Variants in KCNV1 observed in about 807,000 individuals in gnomAD.
KCNV1 encodes potassium voltage-gated channel subfamily V member 1.
A neutral mutation model predicts 36.4 loss-of-function variants in KCNV1; 2 were observed. The ratio of observed to expected loss-of-function variants is 0.05; its 90% CI spans 0.02 to 0.17. KCNV1 has a LOEUF of 0.17. Among genes scored for constraint, KCNV1 ranks in the 10% least tolerant of loss-of-function variants. The pLI is 1.00. For missense variants in KCNV1, 321 were observed against 643.6 expected (o/e 0.50, Z 5.42); for synonymous variants, 280 against 261.1 (o/e 1.07, Z -0.70).
rs1239555443 is a variant in KCNV1 at position 109,973,993 on chromosome 8, G to A, written c.396C>T (p.Ser132=). The A allele has an allele frequency of 2.5e-6, 4 of 1,613,274 alleles. No homozygotes were observed. The highest frequency in any genetic ancestry group is 2.2e-5 in the East Asian group (1 of 44,882). The part of the protein sequence containing the change: ...LHVMEQLCAL[S]FLQEIQYWGI... ...CCCAGTACTGGATCTCCTGCAGGAAGGAGAGCGCGCACAGCTGCTCCATGA... is the reference window on the plus strand; with the variant it reads ...CCCAGTACTGGATCTCCTGCAGGAAAGAGAGCGCGCACAGCTGCTCCATGA... The change falls in exon 2 of 4, where the codon TCC becomes TCT. Residue 132 remains serine, a synonymous_variant. Coordinates refer to ENST00000524391, the MANE Select transcript of KCNV1 (RefSeq NM_014379.4).
At chr8:109,975,265 G>A (rs1246057613) in intron 1 of KCNV1, 73 bp from the exon 2 acceptor site, 1 of 152,230 alleles carries the variant, frequency 6.6e-6, no homozygotes, top group Admixed American at 6.5e-5. Context: ...AACTAGGAGT[G>A]TCACTGTCAG....
At chr8:109,969,213 A>G (rs1287535270) in intron 3 of KCNV1, among the ~76,000 whole-genome samples, 2 of 152,182 alleles carry the variant, frequency 1.3e-5, no homozygotes, top group African/African-American at 4.8e-5. Flanking sequence ...TGACATGAGA[A>G]CATCACATGT....
chr8:109,971,398 C>T (rs571912272), intron 3 of KCNV1, among the ~76,000 whole-genome samples: 3 of 152,084 alleles, frequency 2.0e-5, no homozygotes, highest in Non-Finnish European at 4.4e-5. Flanking sequence ...TCATATACTC[C>T]ACAATATCTG....
chr8:109,972,840 T>A lies in KCNV1; in HGVS notation c.462-53A>T. ...GTCTAACTTTATTAAAATACAGAAG[T>A]ATAAGATAATTAAACATGGCAGGGA... is the stretch of plus-strand genomic sequence containing the variant. On this transcript the variant is annotated intron_variant, in intron 2 of 3. Coordinates refer to ENST00000524391, the MANE Select transcript of KCNV1 (RefSeq NM_014379.4). The surrounding 1 kb of genome is among the most constrained non-coding windows in gnomAD (Gnocchi z 5.2). The A allele has an allele frequency of 2.9e-6, 4 of 1,378,496 alleles. No individual in the cohort carries two copies. The highest frequency in any genetic ancestry group is 3.9e-6 in the Non-Finnish European group (4 of 1,018,838). 85.4% of individuals were successfully genotyped at this position (1,378,496 alleles called of 1,614,324 possible).
intron 3 of KCNV1, among the ~76,000 whole-genome samples, chr8:109,969,864 A>AAAAG (rs1554645997): frequency 3.3e-5 from 5 of 151,750 alleles, no homozygotes; most frequent in East Asian, 1.9e-4. Context: ...AAAAAAAAAA[A>AAAAG]AAAGAAAGAA....
In KCNV1 at chr8:109,968,669, TC is replaced by T; in HGVS notation, c.992-71del. 2 of 1,492,646 alleles carry T rather than the reference TC, an allele frequency of 1.3e-6. No homozygotes were observed. Among genetic ancestry groups the T allele is most frequent in the Non-Finnish European group, 1.8e-6 (2 of 1,107,600 alleles). 92.5% of individuals were successfully genotyped at this position (1,492,646 alleles called of 1,614,324 possible). A position where few individuals can be genotyped will look rare whatever the true frequency, so the allele number is the denominator to read the frequency against. On this transcript the variant is annotated intron_variant, in intron 3 of 3. Transcript: ENST00000524391. The surrounding 1 kb of genome is among the most constrained non-coding windows in gnomAD (Gnocchi z 5.3). ...TCTCTTCCTTCCCTCCCCTCCCCTCTCCCTCCTTGCTCTGCCACCCACAAAC... is the reference window on the plus strand; with the variant it reads ...TCTCTTCCTTCCCTCCCCTCCCCTCTCCTCCTTGCTCTGCCACCCACAAAC...
chr8:109,971,349 G>C (rs1820008235), intron 3 of KCNV1, among the ~76,000 whole-genome samples: 1 of 152,036 alleles, frequency 6.6e-6, no homozygotes, highest in Non-Finnish European at 1.5e-5. Context: ...AAGCTTGCCT[G>C]GGGATCCTTA....
Position 109,968,197 on chromosome 8 carries a change from C to T in KCNV1, c.1394G>A (p.Ser465Asn). Residue 465 changes from serine to asparagine, a missense_variant, in exon 4 of 4, where the codon AGT (serine) becomes AAT (asparagine). This residue lies in a region of KCNV1 where 45 missense variants were observed against 76.8 expected (regional missense o/e 0.59). Coordinates refer to ENST00000524391, the MANE Select transcript of KCNV1 (RefSeq NM_014379.4). The surrounding 1 kb of genome is among the most constrained non-coding windows in gnomAD (Gnocchi z 5.3). Reference sequence around the variant, plus strand: ...GGCATAGACATCTCTCAAGTTAACACTGATATATGAGTCAGTGGCTATATT... The same window carrying T: ...GGCATAGACATCTCTCAAGTTAACATTGATATATGAGTCAGTGGCTATATT... ...TKNIATDSYI[S>N]VNLRDVYARS... 1 of 1,614,174 alleles carries T rather than the reference C, an allele frequency of 6.2e-7. No individual in the cohort carries two copies. Among genetic ancestry groups the T allele is most frequent in the Non-Finnish European group, 8.5e-7 (1 of 1,180,028 alleles).
Position 109,967,977 on chromosome 8 carries a change from A to T in KCNV1, c.*111T>A. On this transcript the variant is annotated 3_prime_UTR_variant, in exon 4 of 4. Coordinates refer to ENST00000524391, the MANE Select transcript of KCNV1 (RefSeq NM_014379.4). The stretch of plus-strand genomic sequence containing the variant: ...AGCAATATATCAGCAAAAATTAATT[A>T]AGATGAGCAGTACTCTGAAGAGACT... 1 of 1,053,304 alleles carries T rather than the reference A, an allele frequency of 9.5e-7. No individual in the cohort carries two copies. Among genetic ancestry groups the T allele is most frequent in the Non-Finnish European group, 1.4e-6 (1 of 740,020 alleles). 65.2% of individuals were successfully genotyped at this position (1,053,304 alleles called of 1,614,324 possible).
In KCNV1 at chr8:109,975,064, G is replaced by C. The variant is rs931927388; in HGVS notation, c.-676C>G. On this transcript the variant is annotated 5_prime_UTR_variant, in exon 2 of 4. Coordinates refer to ENST00000524391, the MANE Select transcript of KCNV1 (RefSeq NM_014379.4). ...GCCTCCCCCGGGGTGTTCGCTGGGG[G>C]TGTGAGCAGGTGGGGGAGGGTTCTC... is the stretch of plus-strand genomic sequence containing the variant. 2 of 152,452 alleles carry C rather than the reference G, an allele frequency of 1.3e-5. No homozygotes were observed. The highest frequency in any genetic ancestry group is 4.8e-5 in the African/African-American group (2 of 41,410). 9.4% of individuals were successfully genotyped at this position (152,452 alleles called of 1,614,324 possible). A position where few individuals can be genotyped will look rare whatever the true frequency, so the allele number is the denominator to read the frequency against.
chr8:109,973,845 A>G (rs2130899208), intron 2 of KCNV1, 83 bp downstream of exon 2: 1 of 997,232 alleles, frequency 1.0e-6, no homozygotes, highest in Non-Finnish European at 1.4e-6. Context: ...AAGCTTGTGT[A>G]AAGCCTCAAA....
Position 109,973,996 on chromosome 8 carries a change from G to C in KCNV1, c.393C>G (p.Leu131=), listed in dbSNP as rs1323937219. The C allele has an allele frequency of 1.1e-5, 17 of 1,613,436 alleles. No homozygotes were observed. Among genetic ancestry groups the C allele is most frequent in the Non-Finnish European group, 1.4e-5 (17 of 1,179,994 alleles). ...AGTACTGGATCTCCTGCAGGAAGGA[G>C]AGCGCGCACAGCTGCTCCATGACAT... ...RLHVMEQLCA[L]SFLQEIQYWG... The change falls in exon 2 of 4, where the codon CTC becomes CTG. Residue 131 remains leucine, a synonymous_variant. Coordinates refer to ENST00000524391, the MANE Select transcript of KCNV1 (RefSeq NM_014379.4).
chr8:109,974,404 C>T lies in KCNV1; in HGVS notation c.-16G>A, dbSNP rs1361684039. On this transcript the variant is annotated 5_prime_UTR_variant, in exon 2 of 4. Transcript: ENST00000524391. The surrounding 1 kb of genome is among the most constrained non-coding windows in gnomAD (Gnocchi z 6.2). The stretch of plus-strand genomic sequence containing the variant: ...TGGAAGGCATCTCTAACCCAGTCGC[C>T]GCGGCCTGAGGGCGCCACAAAGTTG... The T allele has an allele frequency of 2.1e-6, 3 of 1,453,192 alleles. No homozygotes were observed. Among genetic ancestry groups the T allele is most frequent in the Non-Finnish European group, 2.7e-6 (3 of 1,106,484 alleles). The allele number at this position is 1,453,192 out of a possible 1,614,324, so 90.0% of individuals were successfully genotyped here.
Position 109,972,259 on chromosome 8 carries a change from T to C in KCNV1, c.990A>G (p.Thr330=), listed in dbSNP as rs760934313. The change falls in exon 3 of 4, where the codon ACA becomes ACG. Residue 330 remains threonine, a splice_region_variant and synonymous_variant. Transcript: ENST00000524391. This position sits in a 1 kb window ranked among gnomAD's most constrained non-coding sequence, Gnocchi z 5.2. ...LRMLKLGRHS[T]GLRSLGMTIT... ...AAGGCATCAGTGAAATGTGAATACC[T>C]GTGGAATGTCTGCCCAGCTTTAGCA... is the stretch of plus-strand genomic sequence containing the variant. 6.3e-7 allele frequency: 1 copy of C among 1,582,846 alleles called. No homozygotes were observed. Among genetic ancestry groups the C allele is most frequent in the South Asian group, 1.2e-5 (1 of 85,460 alleles).
In KCNV1 at chr8:109,974,501, C is replaced by T; in HGVS notation, c.-113G>A. ...CTGGTGGCGGCCGGGATTCCCCGGGCTCCCGAAGGGGTTACCTCTCCTTGG... is the reference window on the plus strand; with the variant it reads ...CTGGTGGCGGCCGGGATTCCCCGGGTTCCCGAAGGGGTTACCTCTCCTTGG... On this transcript the variant is annotated 5_prime_UTR_variant, in exon 2 of 4. Transcript: ENST00000524391. The surrounding 1 kb of genome is among the most constrained non-coding windows in gnomAD (Gnocchi z 6.2). The T allele has an allele frequency of 1.3e-6, 1 of 746,918 alleles. No homozygotes were observed. The highest frequency in any genetic ancestry group is 2.1e-6 in the Non-Finnish European group (1 of 472,098). 46.3% of individuals were successfully genotyped at this position (746,918 alleles called of 1,614,324 possible). A position where few individuals can be genotyped will look rare whatever the true frequency, so the allele number is the denominator to read the frequency against.
rs113449582 is a variant in KCNV1, at chr8:109,972,979, CTTTTT to C, written c.462-197_462-193del. ...TCCCTTAGAATTATGATTATTTTTC[CTTTTT>C]TTTTTTTTTTTGAGACGGAGTCTTG... On this transcript the variant is annotated intron_variant, in intron 2 of 3. Transcript: ENST00000524391. The surrounding 1 kb of genome is among the most constrained non-coding windows in gnomAD (Gnocchi z 5.2). 7.4e-6 allele frequency among the ~76,000 whole-genome samples: 1 copy of C among 134,482 alleles called. No homozygotes were observed. The allele number at this position is 134,482 out of a possible 152,430, so 88.2% of individuals were successfully genotyped here.
At position 109,974,298 on chromosome 8, in the gene KCNV1, C is replaced by T. The variant is rs1465747086; in HGVS notation, c.91G>A (p.Glu31Lys). The change falls in exon 2 of 4, where the codon GAA becomes AAA. Residue 31 changes from glutamate to lysine, a missense_variant. By Grantham distance (56) the Glu-to-Lys change is moderately conservative (BLOSUM62 1). Transcript: ENST00000524391. This position sits in a 1 kb window ranked among gnomAD's most constrained non-coding sequence, Gnocchi z 6.2. ...TCCCCGAGCGCCAAGGGCTCCCCTTCACCCTCGCTGCAGAAGACACTAGAG... is the reference window on the plus strand; with the variant it reads ...TCCCCGAGCGCCAAGGGCTCCCCTTTACCCTCGCTGCAGAAGACACTAGAG... ...LDSSVFCSEG[E>K]GEPLALGDCF... 1 of 1,545,952 alleles carries T rather than the reference C, an allele frequency of 6.5e-7. No homozygotes were observed. Among genetic ancestry groups the T allele is most frequent in the African/African-American group, 1.4e-5 (1 of 73,370 alleles).
In KCNV1 at chr8:109,975,688, C is replaced by T; in HGVS notation, c.-874G>A. On this transcript the variant is annotated 5_prime_UTR_variant, in exon 1 of 4. Coordinates refer to ENST00000524391, the MANE Select transcript of KCNV1 (RefSeq NM_014379.4). ...GGTAACGTACTCTTCTTTTGATCCT[C>T]TTAGTCTACACGTGAGGTCTGACTC... 6.5e-6 allele frequency: 1 copy of T among 152,804 alleles called. No individual in the cohort carries two copies. Among genetic ancestry groups the T allele is most frequent in the East Asian group, 1.9e-4 (1 of 5,184 alleles). The allele number at this position is 152,804 out of a possible 1,614,324, so 9.5% of individuals were successfully genotyped here. A position where few individuals can be genotyped will look rare whatever the true frequency, so the allele number is the denominator to read the frequency against.
rs1012400568 is a variant in KCNV1, at chr8:109,966,810, C to G, written c.*1278G>C. 1 of 152,200 alleles carries G rather than the reference C, an allele frequency of 6.6e-6. No individual in the cohort carries two copies. Among genetic ancestry groups the G allele is most frequent in the Non-Finnish European group, 1.5e-5 (1 of 67,982 alleles). 9.4% of individuals were successfully genotyped at this position (152,200 alleles called of 1,614,324 possible). The stretch of plus-strand genomic sequence containing the variant: ...ATCTCACCCCCATGAAATGTTAATA[C>G]CACAGATATACTCAATATGCTTATC... On this transcript the variant is annotated 3_prime_UTR_variant, in exon 4 of 4. Coordinates refer to ENST00000524391, the MANE Select transcript of KCNV1 (RefSeq NM_014379.4).
Sources: allele counts gnomAD v4.1 joint callset (sites outside exome capture counted in the v4.1 genomes callset), GRCh38; gene constraint gnomAD v4.1.1; regional missense constraint gnomAD v4.1.1; non-coding constraint Gnocchi (gnomAD v3.1); transcripts MANE v1.5; gene names NCBI Gene and HGNC (gene_info 2026-07-23, HGNC 2026-07-21).